Variants in CSNK1A1 observed in about 807,000 individuals in gnomAD.
CSNK1A1 encodes the protein casein kinase 1 alpha 1.
In CSNK1A1, 7 loss-of-function variants were observed where a neutral mutation model predicts 46.1. That is an observed-to-expected ratio of 0.15 (90% confidence interval 0.09 to 0.29). The LOEUF is 0.29. Among genes scored for constraint, CSNK1A1 ranks in the 10% least tolerant of loss-of-function variants. CSNK1A1 has a pLI of 1.00. For synonymous variants in CSNK1A1, 137 were observed against 141.5 expected, an observed-to-expected ratio of 0.97 and a Z score of 0.23; for missense variants, 96 against 417.1, an observed-to-expected ratio of 0.23 and a Z score of 6.71.
chr5:149,536,833 G>A (rs1333307396), intron 2 of CSNK1A1, among the ~76,000 whole-genome samples: 2 of 152,164 alleles, frequency 1.3e-5, no homozygotes, highest in East Asian at 1.9e-4. Context: ...AGCTGGCTAA[G>A]TTGACAGTAT....
chr5:149,532,559 G>A (rs1161739070), intron 2 of CSNK1A1, among the ~76,000 whole-genome samples: 1 of 151,960 alleles, frequency 6.6e-6, no homozygotes, highest in South Asian at 2.1e-4. Flanking sequence ...CGGGCGTGGC[G>A]TTGGGCGCCT....
At chr5:149,548,305 G>A (rs1422047463) in intron 2 of CSNK1A1, among the ~76,000 whole-genome samples, 6 of 152,152 alleles carry the variant, frequency 3.9e-5, no homozygotes, top group African/African-American at 1.2e-4. Context: ...GGTGGCTCAC[G>A]CCTATAATCC....
chr5:149,551,105 G>A lies in CSNK1A1; in HGVS notation c.-141C>T. On this transcript the variant is annotated 5_prime_UTR_variant, in exon 1 of 10. Coordinates refer to ENST00000377843, the MANE Select transcript of CSNK1A1 (RefSeq NM_001892.6). ...CACGGAGGCCTTTACCGGGGTTCGG[G>A]GCCCAGAATCAGCAGAGGGGAACCT... is the stretch of plus-strand genomic sequence containing the variant. The A allele has an allele frequency of 5.7e-6, 5 of 878,284 alleles. No homozygotes were observed. The highest frequency in any genetic ancestry group is 8.7e-6 in the Non-Finnish European group (5 of 571,906). 54.4% of individuals were successfully genotyped at this position (878,284 alleles called of 1,614,324 possible).
chr5:149,519,861 G>C (rs1490124751), intron 4 of CSNK1A1, among the ~76,000 whole-genome samples: 1 of 152,160 alleles, frequency 6.6e-6, no homozygotes, highest in Non-Finnish European at 1.5e-5. Flanking sequence ...TGACAGATAA[G>C]TCAGTGTTCC....
intron 9 of CSNK1A1, chr5:149,502,535 T>TGGGGGGGGG (rs1760902546): frequency 8.6e-5 from 3 of 34,870 alleles, no homozygotes; most frequent in Non-Finnish European, 1.0e-4. Context: ...GGGGGGGGGT[T>TGGGGGGGGG]GGGGACGATG....
chr5:149,540,008 A>T (rs1461398554), intron 2 of CSNK1A1, among the ~76,000 whole-genome samples: 1 of 152,226 alleles, frequency 6.6e-6, no homozygotes, highest in African/African-American at 2.4e-5. Flanking sequence ...TTATTCCCTT[A>T]TTTCAAAAGT....
At chr5:149,536,183 C>A (rs1762056541) in intron 2 of CSNK1A1, among the ~76,000 whole-genome samples, 2 of 152,146 alleles carry the variant, frequency 1.3e-5, no homozygotes, top group Admixed American at 1.3e-4. Flanking sequence ...GAACAACCAA[C>A]CTCAGGTGAT....
At chr5:149,537,158 T>C (rs922195732) in intron 2 of CSNK1A1, among the ~76,000 whole-genome samples, 36 of 152,112 alleles carry the variant, frequency 2.4e-4, no homozygotes, top group Non-Finnish European at 4.9e-4. Flanking sequence ...GGTGGATCAC[T>C]TGAGGTCAGG....
intron 2 of CSNK1A1, chr5:149,549,529 A>C (rs1419923337): frequency 8.5e-6 from 6 of 701,880 alleles, no homozygotes; most frequent in Non-Finnish European, 1.3e-5. Flanking sequence ...GGAGGAATCA[A>C]GGAAGCATAA....
chr5:149,497,674 CCT>C, intron 9 of CSNK1A1: 1 of 985,450 alleles, frequency 1.0e-6, no homozygotes, highest in African/African-American at 1.7e-5. Context: ...CACCGTTTTT[CCT>C]CTCACCAGAC....
In CSNK1A1 at chr5:149,543,172, G is replaced by A. The variant is rs141080307; in HGVS notation, c.230+6903C>T. ...CCAACAAGTGAAGAAGTACAGGATG[G>A]CTCTCCAGTATCAAATGAAACGATG... On this transcript the variant is annotated intron_variant, in intron 2 of 9. Coordinates refer to ENST00000377843, the MANE Select transcript of CSNK1A1 (RefSeq NM_001892.6). 7.9e-5 allele frequency among the ~76,000 whole-genome samples: 12 copies of A among 152,246 alleles called. No individual in the cohort carries two copies. In the East Asian group the frequency reaches 2.3e-3, roughly 29 times the overall value.
intron 2 of CSNK1A1, among the ~76,000 whole-genome samples, chr5:149,537,848 C>T (rs1444645398): frequency 6.6e-6 from 1 of 150,692 alleles, no homozygotes; most frequent in Non-Finnish European, 1.5e-5. Context: ...TCTCAATATG[C>T]TACCCTCTTA....
chr5:149,545,101 CAAA>C (rs35387594), intron 2 of CSNK1A1, among the ~76,000 whole-genome samples: 2 of 134,206 alleles, frequency 1.5e-5, no homozygotes, highest in Non-Finnish European at 1.6e-5. Flanking sequence ...GACTCCATCT[CAAA>C]AAAAAAAAAA....
At chr5:149,542,612 A>ATTTTTTTTTTTTTTT (rs1429394986) in intron 2 of CSNK1A1, among the ~76,000 whole-genome samples, 4 of 11,516 alleles carry the variant, frequency 3.5e-4, no homozygotes, top group African/African-American at 2.7e-3. Context: ...ATATATATAT[A>ATTTTTTTTTTTTTTT]TATATATATA....
intron 9 of CSNK1A1, chr5:149,497,481 C>T: frequency 1.0e-6 from 1 of 985,826 alleles, no homozygotes; most frequent in Non-Finnish European, 1.2e-6. Context: ...ATTTACTTCT[C>T]AAGCCTACAC....
At chr5:149,514,272 T>C (rs1761329972) in intron 4 of CSNK1A1, among the ~76,000 whole-genome samples, 2 of 152,224 alleles carry the variant, frequency 1.3e-5, no homozygotes, top group African/African-American at 4.8e-5. Context: ...TCATTTATAA[T>C]GTAGCTAATT....
At chr5:149,502,764 G>A in intron 9 of CSNK1A1, 6 of 964,858 alleles carry the variant, frequency 6.2e-6, no homozygotes, top group South Asian at 9.6e-5. Flanking sequence ...TGAGCTGTAT[G>A]AGTTCCTTTT....
intron 9 of CSNK1A1, among the ~76,000 whole-genome samples, chr5:149,499,741 A>T (rs967873521): frequency 6.6e-6 from 1 of 151,888 alleles, no homozygotes; most frequent in South Asian, 2.1e-4. Context: ...TCTTATTCGT[A>T]AATTAATTTC....
At chr5:149,541,316 C>T (rs1180370315) in intron 2 of CSNK1A1, among the ~76,000 whole-genome samples, 1 of 151,722 alleles carries the variant, frequency 6.6e-6, no homozygotes, top group African/African-American at 2.4e-5. Context: ...CCATGGCCAG[C>T]TAATTTTTGT....
Sources: allele counts gnomAD v4.1 joint callset (sites outside exome capture counted in the v4.1 genomes callset), GRCh38; gene constraint gnomAD v4.1.1; transcripts MANE v1.5; gene names NCBI Gene and HGNC (gene_info 2026-07-23, HGNC 2026-07-21).